PTPRT: variants seen among roughly 807,000 people sequenced by gnomAD.
PTPRT encodes protein tyrosine phosphatase receptor type T.
PTPRT carries 56 observed loss-of-function variants against 176.8 expected under a neutral mutation model. The observed-to-expected ratio is 0.32, with a 90% CI of 0.26 to 0.40. The LOEUF is 0.40. PTPRT is among the 10% of genes least tolerant of loss of function. PTPRT has a pLI of 1.00. For synonymous variants in PTPRT, 783 were observed against 739.0 expected (o/e 1.06, Z -0.96); for missense variants, 1,540 against 1,908.2 (o/e 0.81, Z 3.60).
At chr20:42,530,317 G>A (rs1045849074) in intron 7 of PTPRT, among the ~76,000 whole-genome samples, 15 of 152,170 alleles carry the variant, frequency 9.9e-5, no homozygotes, top group African/African-American at 2.9e-4. Flanking sequence ...GTCACCCAGC[G>A]ATTCATTGCT....
chr20:42,416,653 T>A (rs2059069170), intron 9 of PTPRT, among the ~76,000 whole-genome samples: 1 of 152,176 alleles, frequency 6.6e-6, no homozygotes. Context: ...GCTTTTGATC[T>A]CCTGGTTAAA....
chr20:42,691,666 G>A (rs545528058), intron 6 of PTPRT, among the ~76,000 whole-genome samples: 57 of 152,234 alleles, frequency 3.7e-4, no homozygotes, highest in Middle Eastern at 6.8e-3. Context: ...TGCCCCTGCC[G>A]TATCTTGCCT....
intron 7 of PTPRT, among the ~76,000 whole-genome samples, chr20:42,637,909 G>A (rs1432489521): frequency 6.6e-6 from 1 of 152,068 alleles, no homozygotes; most frequent in Non-Finnish European, 1.5e-5. Context: ...TTGCATCTAT[G>A]AAAACACTCT....
intron 1 of PTPRT, among the ~76,000 whole-genome samples, chr20:43,173,940 T>C (rs1369364295): frequency 6.6e-6 from 1 of 152,234 alleles, no homozygotes; most frequent in Non-Finnish European, 1.5e-5. Context: ...CACAGTGTGA[T>C]TGTGACCAAG....
intron 2 of PTPRT, among the ~76,000 whole-genome samples, chr20:42,823,715 T>C (rs926284746): frequency 6.6e-6 from 1 of 152,036 alleles, no homozygotes; most frequent in African/African-American, 2.4e-5. Flanking sequence ...AGGTTATACT[T>C]ACATTATTCA....
intron 13 of PTPRT, among the ~76,000 whole-genome samples, chr20:42,265,266 G>C (rs1291659899): frequency 6.6e-6 from 1 of 152,126 alleles, no homozygotes; most frequent in Admixed American, 6.5e-5. Flanking sequence ...AGAGCATGGA[G>C]AGTATGATTA....
rs1990162745 is a variant in PTPRT, at chr20:42,173,528, GAA to G, written c.2492-11988_2492-11987del. On this transcript the variant is annotated intron_variant, in intron 16 of 30. Transcript: ENST00000373187. ...TCAAAATTCTATCAAAATCAGTGAG[GAA>G]AGAGGCAGCAAAAATGCTGATACCA... Among the ~76,000 whole-genome samples the G allele has an allele frequency of 3.3e-5, 5 of 152,162 alleles. 1 individual carries two copies. The highest frequency in any genetic ancestry group is 1.2e-4 in the African/African-American group (5 of 41,516).
chr20:42,824,667 G>C (rs2077962211), intron 2 of PTPRT, among the ~76,000 whole-genome samples: 1 of 151,580 alleles, frequency 6.6e-6, no homozygotes, highest in Admixed American at 6.6e-5. Flanking sequence ...ACATGAAGAA[G>C]AATAAAAAAT....
chr20:42,349,630 G>A (rs1159088909), intron 11 of PTPRT, among the ~76,000 whole-genome samples: 1 of 152,172 alleles, frequency 6.6e-6, no homozygotes, highest in Non-Finnish European at 1.5e-5. Context: ...ATGAATGAAT[G>A]GTTTTTAGGC....
intron 2 of PTPRT, among the ~76,000 whole-genome samples, chr20:42,877,972 C>T (rs1315629581): frequency 6.6e-6 from 1 of 152,240 alleles, no homozygotes; most frequent in African/African-American, 2.4e-5. Flanking sequence ...ACCATCAAGT[C>T]ATGGGCAAAT....
intron 18 of PTPRT, among the ~76,000 whole-genome samples, chr20:42,139,523 C>T (rs1568963842): frequency 6.6e-6 from 1 of 152,206 alleles, no homozygotes; most frequent in African/African-American, 2.4e-5. Context: ...GTGGGAACTC[C>T]AGAAGGAACT....
chr20:42,428,550 C>T (rs1370926272), intron 9 of PTPRT, among the ~76,000 whole-genome samples: 1 of 152,144 alleles, frequency 6.6e-6, no homozygotes, highest in East Asian at 1.9e-4. Flanking sequence ...GATGTTGACA[C>T]ACCAGACAGT....
rs186694225 is a variant in PTPRT at position 42,704,779 on chromosome 20, A to G, written c.860-26620T>C. ...CAGACTGCAAAGCTCTCTGAAGGAAAGGGTCATGTAGGGGCTGATACAGAA... is the reference window on the plus strand; with the variant it reads ...CAGACTGCAAAGCTCTCTGAAGGAAGGGGTCATGTAGGGGCTGATACAGAA... On this transcript the variant is annotated intron_variant, in intron 6 of 30. Transcript: ENST00000373187. 1.2e-4 allele frequency among the ~76,000 whole-genome samples: 18 copies of G among 152,312 alleles called. 1 individual carries two copies. The East Asian group carries it at 2.9e-3, about 25-fold the overall frequency.
rs547343040 is a variant in PTPRT, at chr20:42,766,801, C to T, written c.684+4634G>A. ...TTTATTTCCCTGAATTACAACTGGC[C>T]GAGTTGAGAAGTTACCACTTTCAGT... On this transcript the variant is annotated intron_variant, in intron 5 of 30. Coordinates refer to ENST00000373187, the MANE Select transcript of PTPRT (RefSeq NM_007050.6). 5.9e-5 allele frequency among the ~76,000 whole-genome samples: 9 copies of T among 152,264 alleles called. No homozygotes were observed. In the East Asian group the frequency reaches 1.4e-3, roughly 23 times the overall value.
chr20:43,031,804 C>T (rs931436638), intron 1 of PTPRT, among the ~76,000 whole-genome samples: 24 of 152,204 alleles, frequency 1.6e-4, no homozygotes, highest in Non-Finnish European at 3.4e-4. Context: ...AAGAGGAAGA[C>T]CTCCAATGCC....
chr20:42,743,023 C>T (rs1210280020), intron 6 of PTPRT, among the ~76,000 whole-genome samples: 1 of 152,198 alleles, frequency 6.6e-6, no homozygotes, highest in African/African-American at 2.4e-5. Flanking sequence ...GTTCCTCACT[C>T]ACGTGCAGAA....
chr20:43,104,967 G>A (rs6016957), intron 1 of PTPRT, among the ~76,000 whole-genome samples: 2 of 152,060 alleles, frequency 1.3e-5, no homozygotes, highest in Admixed American at 6.5e-5. Context: ...TTCAAGTACC[G>A]GGTCAATCTG....
chr20:42,640,729 A>G (rs564943321), intron 7 of PTPRT, among the ~76,000 whole-genome samples: 1 of 152,190 alleles, frequency 6.6e-6, no homozygotes, highest in South Asian at 2.1e-4. Context: ...AAATGTCTAG[A>G]GATGTTTGAA....
chr20:43,130,347 G>A (rs970326807), intron 1 of PTPRT, among the ~76,000 whole-genome samples: 2 of 151,984 alleles, frequency 1.3e-5, no homozygotes, highest in Non-Finnish European at 2.9e-5. Flanking sequence ...CCTACCCCCA[G>A]AATAAAGTGC....
Sources: gnomAD v4.1 joint callset for allele counts (sites outside exome capture counted in the v4.1 genomes callset) on GRCh38, gnomAD v4.1.1 for gene constraint, MANE v1.5 for transcripts, NCBI Gene and HGNC (gene_info 2026-07-23, HGNC 2026-07-21) for gene names.